STK3: variants seen among roughly 807,000 people sequenced by gnomAD.
The protein encoded by STK3 is serine/threonine kinase 3.
A neutral mutation model predicts 58.0 loss-of-function variants in STK3; 41 were observed. The ratio of observed to expected loss-of-function variants is 0.71; its 90% confidence interval spans 0.55 to 0.92. STK3 has a LOEUF of 0.92. Ranked by LOEUF, STK3 falls within the 40% of genes least tolerant of loss-of-function variation. The pLI is 0.00. For missense variants in STK3, 479 were observed against 602.7 expected (o/e 0.79, Z 2.15); for synonymous variants, 170 against 191.0 (o/e 0.89, Z 0.91).
At chr8:98,596,288 C>A (rs1815820539) in intron 6 of STK3, 119 bp from the exon 7 acceptor site, 2 of 1,172,980 alleles carry the variant, frequency 1.7e-6, no homozygotes, top group Non-Finnish European at 2.3e-6. Flanking sequence ...TTAAGCTGTT[C>A]TAGGATTTCT....
chr8:98,448,150 G>T (rs907463606), intron 1 of STK3, among the ~76,000 whole-genome samples: 4 of 151,940 alleles, frequency 2.6e-5, no homozygotes, highest in Non-Finnish European at 5.9e-5. Context: ...ACTTTTAAAG[G>T]TCCATTTCAT....
chr8:98,903,646 C>T (rs1288384064), intron 1 of STK3, among the ~76,000 whole-genome samples: 1 of 151,502 alleles, frequency 6.6e-6, no homozygotes, highest in African/African-American at 2.4e-5. Flanking sequence ...TTCAAGTGAT[C>T]CTCTAGCCTC....
At position 98,807,264 on chromosome 8, in the gene STK3, G is replaced by GC. The variant is rs568678333; in HGVS notation, c.26+18250_26+18251insG. Among the ~76,000 whole-genome samples the GC allele has an allele frequency of 1.6e-3, 242 of 149,976 alleles. 1 individual carries two copies. Among genetic ancestry groups the GC allele is most frequent in the Non-Finnish European group, 2.4e-3 (163 of 67,502 alleles). ...TGGGTTTTTGGTTTTGGGGGTTTCT[G>GC]TTTTGTTTTGGAGACAGAGTCTCAT... On this transcript the variant is annotated intron_variant, in intron 1 of 10. Transcript: ENST00000419617.
At chr8:98,647,480 G>A (rs1374400616) in intron 6 of STK3, among the ~76,000 whole-genome samples, 2 of 152,084 alleles carry the variant, frequency 1.3e-5, no homozygotes, top group African/African-American at 2.4e-5. Context: ...AGTAGACACC[G>A]AATAAAAATT....
At chr8:98,531,120 A>G (rs930326316) in intron 9 of STK3, among the ~76,000 whole-genome samples, 1 of 152,238 alleles carries the variant, frequency 6.6e-6, no homozygotes, top group East Asian at 1.9e-4. Context: ...TATGAATCAC[A>G]AATGTTCTTA....
chr8:98,603,314 G>T (rs1447564006), intron 6 of STK3: 1 of 151,706 alleles, frequency 6.6e-6, no homozygotes, highest in African/African-American at 2.4e-5. Context: ...TAGGCTCACT[G>T]CAACTTCTAC....
chr8:98,666,567 T>A (rs892481823), intron 6 of STK3, among the ~76,000 whole-genome samples: 3 of 152,204 alleles, frequency 2.0e-5, no homozygotes, highest in Non-Finnish European at 4.4e-5. Flanking sequence ...CTGGTCTAAA[T>A]ACCCAATTCT....
chr8:98,509,821 C>T (rs1824365856), intron 10 of STK3, among the ~76,000 whole-genome samples: 1 of 151,920 alleles, frequency 6.6e-6, no homozygotes, highest in South Asian at 2.1e-4. Flanking sequence ...TTTTTCTACT[C>T]ATAAGTTACC....
rs36076281 is a variant in STK3, at chr8:98,372,544, T to G, written n.112-866A>C. On this transcript the variant is annotated intron_variant and non_coding_transcript_variant, in intron 2 of 2. Coordinates refer to the STK3 transcript ENST00000518704. ...CCTGAACACCCAGTGGTTTTTTGTT[T>G]TTTTTTTTCCCCTTAACTCTTGGCT... Among the ~76,000 whole-genome samples, 194 of 123,492 alleles carry G rather than the reference T, an allele frequency of 1.6e-3. 2 individuals are homozygous for G. The East Asian group carries it at 0.027, about 17-fold the overall frequency. 81.0% of individuals were successfully genotyped at this position (123,492 alleles called of 152,430 possible). A position where few individuals can be genotyped will look rare whatever the true frequency, so the allele number is the denominator to read the frequency against.
intron 3 of STK3, among the ~76,000 whole-genome samples, chr8:98,858,763 A>C (rs759954951): frequency 2.0e-5 from 3 of 151,846 alleles, no homozygotes; most frequent in African/African-American, 4.8e-5. Flanking sequence ...GTGGTGGTGC[A>C]TGCCTGTAGT....
Position 98,445,668 on chromosome 8 carries a change from A to G in STK3, n.186-8460T>C, listed in dbSNP as rs1352657221. Among the ~76,000 whole-genome samples, 5 of 152,204 alleles carry G rather than the reference A, an allele frequency of 3.3e-5. No homozygotes were observed. In the East Asian group the frequency reaches 9.6e-4, roughly 29 times the overall value. On this transcript the variant is annotated intron_variant and non_coding_transcript_variant, in intron 1 of 3. Coordinates refer to the STK3 transcript ENST00000517832. ...GGCCTCAAGAAGAAAACTGCTGACA[A>G]AAAGAAGATAAGCTTTTCACTCGGA...
chr8:98,555,083 A>C (rs1811492420), intron 8 of STK3, among the ~76,000 whole-genome samples: 2 of 152,158 alleles, frequency 1.3e-5, no homozygotes, highest in Non-Finnish European at 2.9e-5. Flanking sequence ...TGCAAAACAC[A>C]GTACTGATGA....
chr8:98,835,386 T>A (rs1343316870), intron 3 of STK3, among the ~76,000 whole-genome samples: 2 of 152,130 alleles, frequency 1.3e-5, no homozygotes, highest in Non-Finnish European at 2.9e-5. Flanking sequence ...AAGAAAAAGG[T>A]TTCCTTCCTG....
intron 4 of STK3, among the ~76,000 whole-genome samples, chr8:98,743,064 C>T (rs1043988453): frequency 6.6e-6 from 1 of 151,910 alleles, no homozygotes; most frequent in African/African-American, 2.4e-5. Flanking sequence ...CAAACCACTG[C>T]TCAATGAAAT....
intron 6 of STK3, among the ~76,000 whole-genome samples, chr8:98,677,097 T>C (rs1236535496): frequency 6.6e-6 from 1 of 152,230 alleles, no homozygotes; most frequent in Non-Finnish European, 1.5e-5. Context: ...GAGCAGGTTA[T>C]AGACATAGTA....
chr8:98,878,652 G>A (rs1476404045), intron 3 of STK3, among the ~76,000 whole-genome samples: 2 of 152,160 alleles, frequency 1.3e-5, no homozygotes, highest in Non-Finnish European at 2.9e-5. Flanking sequence ...GTGTGTCAGG[G>A]ATAAGAACAC....
intron 10 of STK3, among the ~76,000 whole-genome samples, chr8:98,464,821 AG>A (rs1176964858): frequency 6.6e-6 from 1 of 152,192 alleles, no homozygotes; most frequent in Non-Finnish European, 1.5e-5. Context: ...TGATCTTAAA[AG>A]CTGCATTAAC....
At chr8:98,394,269 A>T (rs1166143015) in intron 3 of STK3, among the ~76,000 whole-genome samples, 3 of 152,220 alleles carry the variant, frequency 2.0e-5, no homozygotes, top group African/African-American at 7.2e-5. Flanking sequence ...TTATGGAGAC[A>T]ATGTGGTTGG....
At chr8:98,509,437 A>C (rs973045603) in intron 10 of STK3, among the ~76,000 whole-genome samples, 1 of 152,032 alleles carries the variant, frequency 6.6e-6, no homozygotes, top group African/African-American at 2.4e-5. Context: ...CAAAAATACA[A>C]GTTTTACTTA....
Sources: allele counts gnomAD v4.1 joint callset (sites outside exome capture counted in the v4.1 genomes callset), GRCh38; gene constraint gnomAD v4.1.1; transcripts MANE v1.5; gene names NCBI Gene and HGNC (gene_info 2026-07-23, HGNC 2026-07-21).